Variants in LRRC37B observed in about 807,000 individuals in gnomAD.
LRRC37B encodes the protein leucine rich repeat containing 37B, also known as leucine-rich repeat-containing protein 37B.
A neutral mutation model predicts 98.3 loss-of-function variants in LRRC37B; 28 were observed. That is an observed-to-expected ratio of 0.28 (90% CI 0.21 to 0.39). LRRC37B has a LOEUF of 0.39. Ranked by LOEUF, LRRC37B falls within the 10% of genes least tolerant of loss-of-function variation. LRRC37B has a pLI of 1.00. For missense variants in LRRC37B, 938 were observed against 1,182.7 expected (o/e 0.79, Z 3.03); for synonymous variants, 364 against 442.7 (o/e 0.82, Z 2.23).
At chr17:32,035,587 A>G (rs1911223647) in exon 7 of LRRC37B, 1 of 1,612,430 alleles carries the variant, frequency 6.2e-7, no homozygotes, top group Non-Finnish European at 8.5e-7. Context: ...AACACACATC[A>G]CACTTACAAC....
intron 9 of LRRC37B, among the ~76,000 whole-genome samples, chr17:32,048,655 C>T (rs1225383957): frequency 1.3e-5 from 2 of 152,224 alleles, no homozygotes; most frequent in East Asian, 3.8e-4. Context: ...ATAAAACTCA[C>T]TCCCGTGTGG....
At chr17:32,017,179 G>A (rs1362024503), upstream of LRRC37B, 1 of 152,164 alleles carries the variant, frequency 6.6e-6, no homozygotes, top group East Asian at 1.9e-4. Context: ...ATTGTCTGTA[G>A]AGCATGTGGG....
intron 1 of LRRC37B, among the ~76,000 whole-genome samples, chr17:32,012,672 C>T (rs1910560749): frequency 6.6e-6 from 1 of 152,070 alleles, no homozygotes; most frequent in African/African-American, 2.4e-5. Flanking sequence ...GCTGAGATCA[C>T]ACCACTGCAT....
At chr17:32,047,425 A>G (rs915237233) in intron 8 of LRRC37B, 27 of 373,368 alleles carry the variant, frequency 7.2e-5, no homozygotes, top group African/African-American at 4.6e-4. Flanking sequence ...GTCTGCAGAG[A>G]GGCCAGTTCA....
At chr17:32,052,140 G>T (rs4037389) in intron 11 of LRRC37B, 2 of 151,808 alleles carry the variant, frequency 1.3e-5, no homozygotes, top group African/African-American at 4.8e-5. Context: ...TGCAAATAAT[G>T]ACAGTTTTGT....
intron 1 of LRRC37B, among the ~76,000 whole-genome samples, chr17:32,011,560 C>T (rs1310116594): frequency 6.6e-6 from 1 of 151,774 alleles, no homozygotes; most frequent in African/African-American, 2.4e-5. Context: ...TGCAGTGGCA[C>T]GATCTTGGCT....
upstream of LRRC37B, chr17:32,018,183 C>T (rs984491988): frequency 6.5e-6 from 1 of 153,544 alleles, no homozygotes; most frequent in Admixed American, 6.6e-5. Context: ...GCCTGACCAA[C>T]ATGGGGGAAA....
At chr17:32,039,520 A>C (rs1349267416) in intron 7 of LRRC37B, among the ~76,000 whole-genome samples, 1 of 19,410 alleles carries the variant, frequency 5.2e-5, no homozygotes, top group South Asian at 2.1e-3. Context: ...ATATATATAT[A>C]TATGTATGTA....
chr17:32,044,005 TA>T (rs1262779026), intron 7 of LRRC37B, among the ~76,000 whole-genome samples: 4 of 151,682 alleles, frequency 2.6e-5, no homozygotes, highest in Admixed American at 2.6e-4. Flanking sequence ...GGTACTATTA[TA>T]ATGACAAGGC....
In LRRC37B at chr17:32,021,315, TG is replaced by T. The variant is rs761746185; in HGVS notation, c.253del (p.Glu85AsnfsTer41). The T allele has an allele frequency of 1.2e-6, 2 of 1,613,764 alleles. No homozygotes were observed. Among genetic ancestry groups the T allele is most frequent in the Admixed American group, 3.3e-5 (2 of 60,004 alleles). On this transcript the variant is annotated frameshift_variant, in exon 1 of 12. Coordinates refer to ENST00000327564, the Ensembl canonical transcript of LRRC37B. LOFTEE classifies it high-confidence loss of function. The stretch of plus-strand genomic sequence containing the variant: ...GTCTTCCCGCTCCTCCCATCTCCCA[TG>T]GGAATCTCCCCATGCACCTGCTCCC...
At chr17:32,035,449 T>G (rs1174969722) in intron 6 of LRRC37B, 116 bp from the exon 10 acceptor site, 1 of 1,107,006 alleles carries the variant, frequency 9.0e-7, no homozygotes, top group South Asian at 1.5e-5. Flanking sequence ...ACTATTGAAG[T>G]GGCTTGTTTT....
At chr17:32,048,903 A>T in intron 9 of LRRC37B, 199 bp from the exon 13 acceptor site, 1 of 1,491,956 alleles carries the variant, frequency 6.7e-7, no homozygotes, top group Non-Finnish European at 9.3e-7. Flanking sequence ...AATGTAAAAG[A>T]CACAAAAGAG....
At position 32,036,633 on chromosome 17, in the gene LRRC37B, C is replaced by G. The variant is rs1598209382; in HGVS notation, c.2204+994C>G. Reference sequence around the variant, plus strand: ...TGCAGGGGGTCCTGGAGCCAATCCCCTGCAGACACCGAGGGACAACTCTTC... The same window carrying G: ...TGCAGGGGGTCCTGGAGCCAATCCCGTGCAGACACCGAGGGACAACTCTTC... On this transcript the variant is annotated intron_variant, in intron 7 of 11. Coordinates refer to ENST00000327564, the Ensembl canonical transcript of LRRC37B. Among the ~76,000 whole-genome samples, 5 of 152,178 alleles carry G rather than the reference C, an allele frequency of 3.3e-5. No homozygotes were observed. In the South Asian group the frequency reaches 1.0e-3, roughly 31 times the overall value.
At position 32,024,570 on chromosome 17, in the gene LRRC37B, G is replaced by A. The variant is rs1910889756; in HGVS notation, c.1761-141G>A. ...TTTCTTGATGAAGTGTGCAAACTGG[G>A]AAGCTGATAGCTCTGGAAATGAGAA... On this transcript the variant is annotated intron_variant, in intron 1 of 11. Transcript: ENST00000327564. 6 of 1,436,630 alleles carry A rather than the reference G, an allele frequency of 4.2e-6. No homozygotes were observed. In the Middle Eastern group the frequency reaches 7.4e-4, roughly 178 times the overall value. The allele number at this position is 1,436,630 out of a possible 1,614,324, so 89.0% of individuals were successfully genotyped here.
intron 7 of LRRC37B, among the ~76,000 whole-genome samples, chr17:32,037,075 C>G (rs897880599): frequency 3.4e-5 from 5 of 148,958 alleles, no homozygotes; most frequent in Non-Finnish European, 3.0e-5. Context: ...CAACCTCTAC[C>G]TCCTGAGTTC....
In LRRC37B at chr17:32,009,633, CTTT is replaced by C. The variant is rs59469629; in HGVS notation, c.-191+1503_-191+1505del. ...GGTTGCTTTCTTTATTGTTATTCTT[CTTT>C]TATTTTATTTTTTTAAGACAGAGTC... On this transcript the variant is annotated intron_variant, in intron 1 of 14. Coordinates refer to the LRRC37B transcript ENST00000543378. Among the ~76,000 whole-genome samples, 1,145 of 151,378 alleles carry C rather than the reference CTTT, an allele frequency of 7.6e-3. 13 individuals carry two copies. The highest frequency in any genetic ancestry group is 0.027 in the African/African-American group (1,093 of 41,218).
intron 7 of LRRC37B, among the ~76,000 whole-genome samples, chr17:32,043,192 C>A (rs1169616841): frequency 6.6e-6 from 1 of 152,122 alleles, no homozygotes; most frequent in African/African-American, 2.4e-5. Context: ...GTTCATTATA[C>A]CATTTGAAAA....
At chr17:32,018,289 T>C (rs552356077), upstream of LRRC37B, among the ~76,000 whole-genome samples, 26 of 152,224 alleles carry the variant, frequency 1.7e-4, no homozygotes, top group African/African-American at 6.0e-4. Flanking sequence ...ATCATGTCAT[T>C]GCACTCCAGC....
intron 1 of LRRC37B, among the ~76,000 whole-genome samples, chr17:32,012,292 T>C (rs1910541222): frequency 6.6e-6 from 1 of 152,218 alleles, no homozygotes. Flanking sequence ...ATTCTGTCTG[T>C]TTATGCGTCC....
Sources: gnomAD v4.1 joint callset for allele counts (sites outside exome capture counted in the v4.1 genomes callset) on GRCh38, gnomAD v4.1.1 for gene constraint, MANE v1.5 for transcripts, NCBI Gene and HGNC (gene_info 2026-07-23, HGNC 2026-07-21) for gene names.